GRIP1: variants seen among roughly 807,000 people sequenced by gnomAD.
GRIP1 encodes the protein glutamate receptor interacting protein 1, also known as glutamate receptor-interacting protein 1.
GRIP1 carries 45 observed loss-of-function variants against 129.9 expected under a neutral mutation model. The ratio of observed to expected loss-of-function variants is 0.35; its 90% CI spans 0.27 to 0.44. GRIP1 has a LOEUF of 0.44. GRIP1 is among the 20% of genes least tolerant of loss of function. The pLI, the probability that GRIP1 is intolerant of heterozygous loss-of-function variation, is 1.00. For missense variants in GRIP1, 1,196 were observed against 1,396.8 expected, an observed-to-expected ratio of 0.86 and a Z score of 2.29; for synonymous variants, 530 against 520.8, an observed-to-expected ratio of 1.02 and a Z score of -0.24.
chr12:66,742,617 T>C (rs2036822425), intron 1 of GRIP1, among the ~76,000 whole-genome samples: 1 of 152,024 alleles, frequency 6.6e-6, no homozygotes, highest in Admixed American at 6.6e-5. Context: ...CATAATACAC[T>C]CATTTACTCA....
intron 1 of GRIP1, among the ~76,000 whole-genome samples, chr12:66,917,399 G>T (rs968479986): frequency 2.0e-5 from 3 of 152,166 alleles, no homozygotes; most frequent in African/African-American, 7.2e-5. Flanking sequence ...ATCCAGGAAT[G>T]AACTGCTGAT....
intron 3 of GRIP1, 116 bp downstream of exon 3, chr12:66,541,699 G>T (rs2139220382): frequency 9.2e-7 from 1 of 1,088,754 alleles, no homozygotes. Context: ...GGCCTGTGCT[G>T]CCTGGCAGAT....
chr12:66,857,656 T>C (rs945510883), intron 1 of GRIP1, among the ~76,000 whole-genome samples: 1 of 151,966 alleles, frequency 6.6e-6, no homozygotes, highest in Non-Finnish European at 1.5e-5. Flanking sequence ...ATCTATGCTC[T>C]AGGCACTGAG....
At position 66,392,747 on chromosome 12, in the gene GRIP1, C is replaced by A. The variant is rs745781686; in HGVS notation, c.2199G>T (p.Leu733=). The part of the protein sequence containing the change: ...INSSSLKGKP[L]SEAIHLLQMA... ...TCTGTAACAAATGGATGGCTTCACT[C>A]AGAGGCTTCCCTTTCAAGCTGCTGC... is the stretch of plus-strand genomic sequence containing the variant. Residue 733 remains leucine, a synonymous_variant, in exon 18 of 25, where the codon CTG becomes CTT. Transcript: ENST00000359742. 1.9e-6 allele frequency: 3 copies of A among 1,613,924 alleles called. No individual in the cohort carries two copies. The highest frequency in any genetic ancestry group is 2.5e-6 in the Non-Finnish European group (3 of 1,179,794).
chr12:66,597,731 G>A (rs560374149), intron 1 of GRIP1, among the ~76,000 whole-genome samples: 1 of 152,152 alleles, frequency 6.6e-6, no homozygotes, highest in South Asian at 2.1e-4. Context: ...TGGAGACAAT[G>A]GGTCCATCCA....
intron 2 of GRIP1, among the ~76,000 whole-genome samples, chr12:66,566,922 A>C (rs2062782508): frequency 6.6e-6 from 1 of 152,028 alleles, no homozygotes; most frequent in South Asian, 2.1e-4. Flanking sequence ...ATTTTCATGG[A>C]GGTGTTTATA....
intron 1 of GRIP1, among the ~76,000 whole-genome samples, chr12:67,025,536 T>C (rs774388): frequency 0.42 from 64,276 of 152,156 alleles, 15,050 homozygotes; most frequent in East Asian, 0.77. Flanking sequence ...TCTGTTTCCA[T>C]AGAAATATGA....
intron 1 of GRIP1, among the ~76,000 whole-genome samples, chr12:66,734,537 T>G (rs2036536653): frequency 6.6e-6 from 1 of 152,210 alleles, no homozygotes; most frequent in African/African-American, 2.4e-5. Flanking sequence ...GAACTGTACT[T>G]TAAAGAAGGA....
chr12:66,738,005 G>A (rs953082300), intron 1 of GRIP1, among the ~76,000 whole-genome samples: 2 of 152,124 alleles, frequency 1.3e-5, no homozygotes, highest in Non-Finnish European at 2.9e-5. Flanking sequence ...GTGGGAAGGA[G>A]GGCAGACAGA....
At chr12:67,039,879 G>T (rs998792092) in intron 1 of GRIP1, among the ~76,000 whole-genome samples, 3 of 152,130 alleles carry the variant, frequency 2.0e-5, no homozygotes, top group African/African-American at 4.8e-5. Flanking sequence ...GGTAGGAAAA[G>T]ATGTTTTAAA....
rs998766872 is a variant in GRIP1, at chr12:66,621,237, C to T, written c.56-24310G>A. Among the ~76,000 whole-genome samples, 7 of 152,202 alleles carry T rather than the reference C, an allele frequency of 4.6e-5. No individual in the cohort carries two copies. In the Middle Eastern group the frequency reaches 0.014, roughly 296 times the overall value. ...TTTTTTTTATCATCCCAAACTGAAA[C>T]TTTGTACTAATTAAACAATAACTTC... On this transcript the variant is annotated intron_variant, in intron 1 of 24. Transcript: ENST00000359742.
intron 2 of GRIP1, chr12:66,567,987 G>A: frequency 5.3e-6 from 1 of 187,376 alleles, no homozygotes; most frequent in South Asian, 1.2e-4. Flanking sequence ...TATGTTGTGT[G>A]TCCCAATTGA....
chr12:67,009,191 T>C (rs1334326011), intron 1 of GRIP1, among the ~76,000 whole-genome samples: 1 of 152,140 alleles, frequency 6.6e-6, no homozygotes, highest in African/African-American at 2.4e-5. Flanking sequence ...TAGCTAAAGA[T>C]TGTTTCCCCT....
intron 18 of GRIP1, 24 bp downstream of exon 18, chr12:66,392,653 T>A: frequency 6.2e-7 from 1 of 1,613,520 alleles, no homozygotes; most frequent in Non-Finnish European, 8.5e-7. Flanking sequence ...AATCCTTAAT[T>A]GTGGCTTTCA....
intron 15 of GRIP1, among the ~76,000 whole-genome samples, chr12:66,412,692 T>C (rs2057444331): frequency 6.6e-6 from 1 of 152,036 alleles, no homozygotes; most frequent in Admixed American, 6.6e-5. Context: ...AATGGCAAAC[T>C]GGATAAAGAG....
At chr12:66,874,752 T>C (rs896579244) in intron 1 of GRIP1, among the ~76,000 whole-genome samples, 1 of 152,002 alleles carries the variant, frequency 6.6e-6, no homozygotes, top group African/African-American at 2.4e-5. Context: ...AAACCATTCA[T>C]GAGAATTTTT....
At chr12:66,632,582 T>C (rs972395410) in intron 1 of GRIP1, among the ~76,000 whole-genome samples, 5 of 152,226 alleles carry the variant, frequency 3.3e-5, no homozygotes, top group African/African-American at 1.2e-4. Flanking sequence ...ACTTTCCTTA[T>C]CGATTTGTAT....
chr12:66,578,202 T>G (rs2870856), intron 2 of GRIP1, among the ~76,000 whole-genome samples: 35,034 of 144,334 alleles, frequency 0.24, 4,401 homozygotes, highest in Admixed American at 0.27. Context: ...AGGAGTTCAA[T>G]ACCAGCCTGA....
chr12:66,696,869 G>A (rs1278838213), intron 1 of GRIP1, among the ~76,000 whole-genome samples: 1 of 149,670 alleles, frequency 6.7e-6, no homozygotes, highest in Non-Finnish European at 1.5e-5. Context: ...CAAGAGGGAT[G>A]TTAGGCAGCC....
Sources: allele counts gnomAD v4.1 joint callset (sites outside exome capture counted in the v4.1 genomes callset), GRCh38; gene constraint gnomAD v4.1.1; transcripts MANE v1.5; gene names NCBI Gene and HGNC (gene_info 2026-07-23, HGNC 2026-07-21).